The following GLCE variants were observed in gnomAD, a reference collection of about 807,000 sequenced individuals.
The protein encoded by GLCE is D-glucuronyl C5-epimerase.
A neutral mutation model predicts 47.9 loss-of-function variants in GLCE; 19 were observed. That is an observed-to-expected ratio of 0.40 (90% CI 0.28 to 0.58). GLCE has a LOEUF of 0.58. GLCE is among the 20% of genes least tolerant of loss of function. The pLI is 0.48. For missense variants in GLCE, 556 were observed against 743.3 expected (o/e 0.75, Z 2.93); for synonymous variants, 245 against 263.4 (o/e 0.93, Z 0.68).
At chr15:69,219,988 C>A (rs2052357373) in intron 2 of GLCE, among the ~76,000 whole-genome samples, 1 of 151,990 alleles carries the variant, frequency 6.6e-6, no homozygotes, top group Non-Finnish European at 1.5e-5. Flanking sequence ...TTTTTGGTGA[C>A]CAGTTTATTT....
At chr15:69,240,904 T>G (rs2052662278) in intron 2 of GLCE, among the ~76,000 whole-genome samples, 1 of 152,122 alleles carries the variant, frequency 6.6e-6, no homozygotes, top group Admixed American at 6.5e-5. Flanking sequence ...GAACAATTAT[T>G]AAACACACAA....
intron 2 of GLCE, among the ~76,000 whole-genome samples, chr15:69,251,828 G>A (rs2052848737): frequency 6.6e-6 from 1 of 152,108 alleles, no homozygotes; most frequent in Non-Finnish European, 1.5e-5. Context: ...ACTGATTCCT[G>A]TGTCTTTTTG....
chr15:69,256,058 ACCC>A lies in GLCE; in HGVS notation c.255_257del (p.Pro86del). 6.2e-7 allele frequency: 1 copy of A among 1,613,970 alleles called. No individual in the cohort carries two copies. Among genetic ancestry groups the A allele is most frequent in the Non-Finnish European group, 8.5e-7 (1 of 1,179,966 alleles). On this transcript the variant is annotated inframe_deletion, in exon 3 of 5. Transcript: ENST00000261858. ...CATTCCCTCAGGAACAGCAGAAAGC[ACCC>A]CCTGTTGTTGGGGGCTTCAATAGCA... is the stretch of plus-strand genomic sequence containing the variant.
intron 1 of GLCE, among the ~76,000 whole-genome samples, chr15:69,164,433 A>G (rs971001853): frequency 4.0e-5 from 6 of 151,464 alleles, no homozygotes; most frequent in African/African-American, 1.2e-4. Flanking sequence ...TCATATATAC[A>G]TATATGAATT....
intron 2 of GLCE, among the ~76,000 whole-genome samples, chr15:69,212,027 G>C (rs2052240098): frequency 6.6e-6 from 1 of 151,900 alleles, no homozygotes; most frequent in Non-Finnish European, 1.5e-5. Flanking sequence ...ATTTAAATCA[G>C]TATGGATTTA....
At chr15:69,211,479 AC>A (rs2052233357) in intron 2 of GLCE, among the ~76,000 whole-genome samples, 2 of 151,968 alleles carry the variant, frequency 1.3e-5, no homozygotes, top group African/African-American at 2.4e-5. Context: ...AGTTGGAGTT[AC>A]GTTTCTCTCT....
At chr15:69,261,894 C>T (rs2053020947) in intron 4 of GLCE, among the ~76,000 whole-genome samples, 3 of 152,114 alleles carry the variant, frequency 2.0e-5, no homozygotes, top group African/African-American at 7.2e-5. Context: ...AACATTTCCC[C>T]TTTTACTAAG....
At chr15:69,184,405 C>T (rs1178046532) in intron 1 of GLCE, among the ~76,000 whole-genome samples, 2 of 152,294 alleles carry the variant, frequency 1.3e-5, no homozygotes, top group East Asian at 1.9e-4. Flanking sequence ...TCTTTCATCT[C>T]TTTCCCAAAG....
chr15:69,193,455 ATCC>A (rs2051942702), intron 1 of GLCE, among the ~76,000 whole-genome samples: 1 of 152,112 alleles, frequency 6.6e-6, no homozygotes, highest in African/African-American at 2.4e-5. Flanking sequence ...AAGCAACTTC[ATCC>A]TCGTAATGTG....
intron 2 of GLCE, among the ~76,000 whole-genome samples, chr15:69,242,902 T>C (rs985619322): frequency 6.7e-6 from 1 of 149,326 alleles, no homozygotes; most frequent in Non-Finnish European, 1.5e-5. Context: ...AAATAAAAAA[T>C]AAAAATTAGC....
intron 3 of GLCE, among the ~76,000 whole-genome samples, chr15:69,256,837 A>T (rs2052932597): frequency 6.6e-6 from 1 of 152,168 alleles, no homozygotes; most frequent in Non-Finnish European, 1.5e-5. Flanking sequence ...CAATATGTAG[A>T]TGCTTTTTCT....
chr15:69,248,868 G>T (rs183889165), intron 2 of GLCE, among the ~76,000 whole-genome samples: 121 of 152,272 alleles, frequency 7.9e-4, no homozygotes, highest in Middle Eastern at 3.4e-3. Flanking sequence ...GCCTCCCAAA[G>T]TGCTGGGATT....
chr15:69,238,170 A>G (rs1433122797), intron 2 of GLCE, among the ~76,000 whole-genome samples: 1 of 152,206 alleles, frequency 6.6e-6, no homozygotes, highest in African/African-American at 2.4e-5. Context: ...TTAAAAACAT[A>G]TTTTAGTTTC....
chr15:69,243,753 C>CT (rs1183547270), intron 2 of GLCE, among the ~76,000 whole-genome samples: 1 of 117,918 alleles, frequency 8.5e-6, no homozygotes, highest in Non-Finnish European at 1.9e-5. Flanking sequence ...GACTTCTTGC[C>CT]TTTTTTTATT....
intron 2 of GLCE, among the ~76,000 whole-genome samples, chr15:69,222,107 T>A (rs1366726245): frequency 6.6e-6 from 1 of 152,214 alleles, no homozygotes; most frequent in Non-Finnish European, 1.5e-5. Context: ...TTTACGCTCA[T>A]GGGCTGCATG....
At chr15:69,225,418 T>C (rs2052433323) in intron 2 of GLCE, among the ~76,000 whole-genome samples, 1 of 152,222 alleles carries the variant, frequency 6.6e-6, no homozygotes, top group Non-Finnish European at 1.5e-5. Context: ...TATATCATAG[T>C]CTAAATAATT....
chr15:69,203,793 A>T lies in GLCE; in HGVS notation c.-104-6523A>T, dbSNP rs540554572. 4.9e-4 allele frequency among the ~76,000 whole-genome samples: 74 copies of T among 151,770 alleles called. 1 individual carries two copies. The highest frequency in any genetic ancestry group is 1.7e-3 in the African/African-American group (71 of 41,488). ...ATTAGTGCAGTTGCTGATTGGCTTT[A>T]AAAAAAACCCTCATATTCTTTTAAA... On this transcript the variant is annotated intron_variant, in intron 1 of 4. Transcript: ENST00000261858.
intron 2 of GLCE, among the ~76,000 whole-genome samples, chr15:69,246,367 A>G (rs969083214): frequency 2.2e-4 from 34 of 152,168 alleles, no homozygotes; most frequent in African/African-American, 7.7e-4. Flanking sequence ...GATCCATCAG[A>G]GGAATCACCA....
chr15:69,247,139 T>C (rs2140426690), intron 2 of GLCE, among the ~76,000 whole-genome samples: 1 of 152,344 alleles, frequency 6.6e-6, no homozygotes, highest in East Asian at 1.9e-4. Flanking sequence ...TTGACTTCTC[T>C]CTAGCTATGA....
Sources: allele counts gnomAD v4.1 joint callset (sites outside exome capture counted in the v4.1 genomes callset), GRCh38; gene constraint gnomAD v4.1.1; transcripts MANE v1.5; gene names NCBI Gene and HGNC (gene_info 2026-07-23, HGNC 2026-07-21).